PKHD1L1: variants seen among roughly 807,000 people sequenced by gnomAD.
The protein encoded by PKHD1L1 is fibrocystin-L.
PKHD1L1 carries 434 observed loss-of-function variants against 462.9 expected under a neutral mutation model. The observed-to-expected ratio is 0.94, with a 90% CI of 0.87 to 1.02. PKHD1L1 has a LOEUF of 1.02. Among genes scored for constraint, PKHD1L1 ranks in the 50% least tolerant of loss-of-function variants. PKHD1L1 has a pLI of 0.00. For missense variants in PKHD1L1, 5,202 were observed against 5,096.1 expected, an observed-to-expected ratio of 1.02 and a Z score of -0.63; for synonymous variants, 1,781 against 1,750.0, an observed-to-expected ratio of 1.02 and a Z score of -0.44.
chr8:109,390,281 G>C (rs927568077), intron 8 of PKHD1L1, among the ~76,000 whole-genome samples, 171 bp from the exon 9 acceptor site: 1 of 152,006 alleles, frequency 6.6e-6, no homozygotes, highest in Non-Finnish European at 1.5e-5. Flanking sequence ...TTATATAGTG[G>C]CTGCTTTAGG....
intron 76 of PKHD1L1, 38 bp downstream of exon 76, chr8:109,523,424 T>C (rs1159708503): frequency 3.3e-6 from 5 of 1,527,270 alleles, no homozygotes; most frequent in Non-Finnish European, 4.5e-6. Context: ...TATATAGCCA[T>C]AAATAGAGAC....
chr8:109,518,078 T>C (rs1295480011), intron 72 of PKHD1L1, 89 bp from the exon 73 acceptor site: 4 of 865,924 alleles, frequency 4.6e-6, no homozygotes, highest in Non-Finnish European at 5.1e-6. Flanking sequence ...TGGGGGACTT[T>C]CTAAATTCAA....
intron 23 of PKHD1L1, among the ~76,000 whole-genome samples, chr8:109,423,936 C>G (rs1054601072): frequency 6.6e-6 from 1 of 152,082 alleles, no homozygotes; most frequent in African/African-American, 2.4e-5. Context: ...TTTTTAAATT[C>G]GATTTCCACA....
At chr8:109,416,383 C>T (rs1363845718) in intron 21 of PKHD1L1, among the ~76,000 whole-genome samples, 1 of 152,126 alleles carries the variant, frequency 6.6e-6, no homozygotes, top group Non-Finnish European at 1.5e-5. Flanking sequence ...AGAAAAATGC[C>T]TGAAATCTAT....
In PKHD1L1 at chr8:109,476,602, A is replaced by T; in HGVS notation, c.8852A>T (p.Asn2951Ile). The change falls in exon 52 of 78, where the codon AAT becomes ATT. Residue 2951 changes from asparagine to isoleucine, a missense_variant. This residue lies in a region of PKHD1L1 where 4,497 missense variants were observed against 4,336.8 expected (regional missense o/e 1.04). Coordinates refer to ENST00000378402, the MANE Select transcript of PKHD1L1 (RefSeq NM_177531.6). The part of the protein sequence containing the change: ...DMRNGSSNPL[N>I]WNTSKNGDWH... ...AGGAATGGTTCCTCAAATCCATTGA[A>T]TTGGAATACTAGCAAGAATGGGGAC... 6.3e-7 allele frequency: 1 copy of T among 1,593,524 alleles called. No homozygotes were observed. The highest frequency in any genetic ancestry group is 8.6e-7 in the Non-Finnish European group (1 of 1,168,052).
At chr8:109,420,792 C>A in intron 23 of PKHD1L1, 102 bp downstream of exon 23, 1 of 897,712 alleles carries the variant, frequency 1.1e-6, no homozygotes, top group Non-Finnish European at 1.6e-6. Flanking sequence ...GAAAAGACAG[C>A]TAACTATTCT....
In PKHD1L1 at chr8:109,511,175, G is replaced by A. The variant is rs146764616; in HGVS notation, c.11553+241G>A. Among the ~76,000 whole-genome samples the A allele has an allele frequency of 2.1e-3, 313 of 152,034 alleles. 3 individuals carry two copies. The highest frequency in any genetic ancestry group is 7.3e-3 in the African/African-American group (303 of 41,512). The stretch of plus-strand genomic sequence containing the variant: ...TGCACTTGATTCTGGTACTCCATAC[G>A]TGAAGCAAACCTAAATTTTTATTTT... On this transcript the variant is annotated intron_variant, in intron 71 of 77. Coordinates refer to ENST00000378402, the MANE Select transcript of PKHD1L1 (RefSeq NM_177531.6).
Position 109,445,546 on chromosome 8 carries a change from G to A in PKHD1L1, c.5677G>A (p.Asp1893Asn), listed in dbSNP as rs1448843926. 2 of 1,612,648 alleles carry A rather than the reference G, an allele frequency of 1.2e-6. No homozygotes were observed. The highest frequency in any genetic ancestry group is 1.7e-6 in the Non-Finnish European group (2 of 1,179,318). Residue 1893 changes from aspartate (D) to asparagine (N), a missense_variant, in exon 38 of 78, where the codon GAT (aspartate) becomes AAT (asparagine). Asp to Asn is a conservative substitution (Grantham distance 23). Coordinates refer to ENST00000378402, the MANE Select transcript of PKHD1L1 (RefSeq NM_177531.6). Reference sequence around the variant, plus strand: ...TCCCGCTGGGACCACTGGAATGGTCGATGTTAAAATCTTTGTTAATACAAT... The same window carrying A: ...TCCCGCTGGGACCACTGGAATGGTCAATGTTAAAATCTTTGTTAATACAAT... The part of the protein sequence containing the change: ...RTPAGTTGMV[D>N]VKIFVNTIAY...
chr8:109,514,824 A>G (rs925351590), intron 71 of PKHD1L1, among the ~76,000 whole-genome samples: 6 of 152,114 alleles, frequency 3.9e-5, no homozygotes, highest in Non-Finnish European at 5.9e-5. Context: ...GCTGCATTAT[A>G]CAGAGTATAG....
chr8:109,381,778 T>C (rs1409932153), intron 3 of PKHD1L1, among the ~76,000 whole-genome samples: 2 of 152,156 alleles, frequency 1.3e-5, no homozygotes, highest in African/African-American at 4.8e-5. Flanking sequence ...TTTTAGAAGA[T>C]AAATGACTAT....
At chr8:109,383,878 T>C (rs555118101) in intron 4 of PKHD1L1, among the ~76,000 whole-genome samples, 192 bp from the exon 5 acceptor site, 25 of 152,298 alleles carry the variant, frequency 1.6e-4, no homozygotes, top group African/African-American at 4.8e-4. Flanking sequence ...CCACAGCTAT[T>C]AAGAAGCAAA....
chr8:109,443,912 T>G lies in PKHD1L1; in HGVS notation c.4791+10T>G, dbSNP rs758041008. 4 of 1,568,202 alleles carry G rather than the reference T, an allele frequency of 2.6e-6. No homozygotes were observed. Among genetic ancestry groups the G allele is most frequent in the Non-Finnish European group, 2.6e-6 (3 of 1,141,920 alleles). On this transcript the variant is annotated intron_variant, in intron 37 of 77. Coordinates refer to ENST00000378402, the MANE Select transcript of PKHD1L1 (RefSeq NM_177531.6). ...CCCATGGGCTAATAAGGTAAGAATA[T>G]AAATACCTCCTTTGTACTTCTATTA... is the stretch of plus-strand genomic sequence containing the variant.
intron 2 of PKHD1L1, among the ~76,000 whole-genome samples, chr8:109,373,411 C>G (rs963557920): frequency 2.0e-5 from 3 of 152,056 alleles, no homozygotes; most frequent in African/African-American, 7.3e-5. Context: ...CTTTATTAGT[C>G]CTGCTAGCGG....
rs55963339 is a variant in PKHD1L1 at position 109,428,023 on chromosome 8, C to CAAAAA, written c.3000+892_3000+896dup. 2.8e-4 allele frequency among the ~76,000 whole-genome samples: 20 copies of CAAAAA among 70,274 alleles called. 1 individual carries two copies. The highest frequency in any genetic ancestry group is 1.5e-3 in the East Asian group (3 of 2,024). 46.1% of individuals were successfully genotyped at this position (70,274 alleles called of 152,430 possible). A position where few individuals can be genotyped will look rare whatever the true frequency, so the allele number is the denominator to read the frequency against. On this transcript the variant is annotated intron_variant, in intron 25 of 77. Coordinates refer to ENST00000378402, the MANE Select transcript of PKHD1L1 (RefSeq NM_177531.6). ...GGGCAACAAGAGCAAAACTCCGTCT[C>CAAAAA]AAAAAAAAAAAAAAAAAAAAAAAAA... is the stretch of plus-strand genomic sequence containing the variant.
At position 109,505,759 on chromosome 8, in the gene PKHD1L1, G is replaced by A. The variant is rs1387428276; in HGVS notation, c.10994+1267G>A. Among the ~76,000 whole-genome samples the A allele has an allele frequency of 2.6e-5, 4 of 151,986 alleles. No individual in the cohort carries two copies. In the East Asian group the frequency reaches 5.8e-4, roughly 22 times the overall value. On this transcript the variant is annotated intron_variant, in intron 68 of 77. Transcript: ENST00000378402. Reference sequence around the variant, plus strand: ...ACAAAAAATTAAAAAATAAAAATTAGCTGGGTGTGGTGGTGTACACCTGTG... The same window carrying A: ...ACAAAAAATTAAAAAATAAAAATTAACTGGGTGTGGTGGTGTACACCTGTG...
rs527462333 is a variant in PKHD1L1 at position 109,381,402 on chromosome 8, G to T, written c.196G>T (p.Val66Phe). The T allele has an allele frequency of 4.4e-6, 7 of 1,580,456 alleles. No individual in the cohort carries two copies. The highest frequency in any genetic ancestry group is 1.8e-5 in the Admixed American group (1 of 55,180). ...FSQANQFNYG[V>F]DNAELGNSVQ... The stretch of plus-strand genomic sequence containing the variant: ...TCAAGCAAACCAGTTTAACTATGGA[G>T]TTGATAACGCTGAGTTGGGAAACAG... Residue 66 changes from valine (V) to phenylalanine (F), a missense_variant, in exon 3 of 78, where the codon GTT becomes TTT. This residue lies in a region of PKHD1L1 where 4,497 missense variants were observed against 4,336.8 expected (regional missense o/e 1.04). Transcript: ENST00000378402.
intron 5 of PKHD1L1, among the ~76,000 whole-genome samples, chr8:109,384,473 T>A (rs1812330777): frequency 6.6e-6 from 1 of 151,904 alleles, no homozygotes. Flanking sequence ...AGCCCAGGAG[T>A]GTGAGGCTGC....
At chr8:109,515,829 A>G (rs1820240592) in intron 72 of PKHD1L1, among the ~76,000 whole-genome samples, 1 of 152,198 alleles carries the variant, frequency 6.6e-6, no homozygotes, top group Admixed American at 6.5e-5. Context: ...TTGTAAAACC[A>G]GCATTTATCT....
intron 27 of PKHD1L1, among the ~76,000 whole-genome samples, chr8:109,431,624 T>C (rs1043308407): frequency 6.6e-6 from 1 of 152,224 alleles, no homozygotes; most frequent in East Asian, 1.9e-4. Context: ...ACTTTTGTCA[T>C]TCAGAATTCA....
Sources: allele counts gnomAD v4.1 joint callset (sites outside exome capture counted in the v4.1 genomes callset), GRCh38; gene constraint gnomAD v4.1.1; regional missense constraint gnomAD v4.1.1; transcripts MANE v1.5; gene names NCBI Gene and HGNC (gene_info 2026-07-23, HGNC 2026-07-21).